OPHN1: variants seen among roughly 807,000 people sequenced by gnomAD.
The protein encoded by OPHN1 is oligophrenin 1.
In OPHN1, 11 loss-of-function variants were observed where a neutral mutation model predicts 60.7. The ratio of observed to expected loss-of-function variants is 0.18; its 90% confidence interval spans 0.11 to 0.30. OPHN1 has a LOEUF of 0.30. Ranked by LOEUF, OPHN1 falls within the 10% of genes least tolerant of loss-of-function variation. The pLI, the probability that OPHN1 is intolerant of heterozygous loss-of-function variation, is 1.00. For synonymous variants in OPHN1, 226 were observed against 222.6 expected, an observed-to-expected ratio of 1.02 and a Z score of -0.14; for missense variants, 449 against 611.0, an observed-to-expected ratio of 0.73 and a Z score of 2.80.
chrX:68,181,240 A>G (rs984621238), intron 15 of OPHN1, among the ~76,000 whole-genome samples: 1 of 110,930 alleles, frequency 9.0e-6, no homozygotes, highest in Non-Finnish European at 1.9e-5. Context: ...ACAAGATACA[A>G]ATTCCCTGTT....
At chrX:68,194,837 G>T (rs1004740419) in intron 12 of OPHN1, among the ~76,000 whole-genome samples, 5 of 109,243 alleles carry the variant, frequency 4.6e-5, no homozygotes. Context: ...GCATGGTGGC[G>T]TGCACCTGTA....
At chrX:68,070,683 G>C in intron 20 of OPHN1, 6 of 1,000,956 alleles carry the variant, frequency 6.0e-6, no homozygotes, top group Non-Finnish European at 8.5e-6. Flanking sequence ...GCAGCCCCTA[G>C]AAGTGGCTTT....
At chrX:68,220,435 G>A (rs2077648447) in intron 6 of OPHN1, among the ~76,000 whole-genome samples, 2 of 110,762 alleles carry the variant, frequency 1.8e-5, no homozygotes, top group Non-Finnish European at 3.8e-5. Flanking sequence ...ATTTCATGAG[G>A]CCAGCATCAT....
chrX:68,087,647 T>G (rs2077000524), intron 19 of OPHN1, among the ~76,000 whole-genome samples: 1 of 112,111 alleles, frequency 8.9e-6, no homozygotes, highest in African/African-American at 3.2e-5. Flanking sequence ...TTTCCAGATG[T>G]CGCTTCAGGG....
chrX:68,346,147 C>A (rs2147697649), intron 2 of OPHN1, among the ~76,000 whole-genome samples: 1 of 111,562 alleles, frequency 9.0e-6, no homozygotes, highest in Admixed American at 9.6e-5. Context: ...AATAAATAAA[C>A]AAATGTCATT....
chrX:68,181,784 C>T (rs777975286), intron 15 of OPHN1, among the ~76,000 whole-genome samples: 6 of 111,628 alleles, frequency 5.4e-5, no homozygotes, highest in African/African-American at 6.5e-5. Context: ...GCTAAGATTG[C>T]GCCACTGCAC....
intron 15 of OPHN1, among the ~76,000 whole-genome samples, chrX:68,141,322 C>T: frequency 9.0e-6 from 1 of 110,814 alleles, no homozygotes. Flanking sequence ...TCTAAGTTGC[C>T]TTTAATTATA....
chrX:68,096,824 G>A, intron 19 of OPHN1, 46 bp downstream of exon 19: 1 of 1,173,084 alleles, frequency 8.5e-7, no homozygotes, highest in Non-Finnish European at 1.2e-6. Flanking sequence ...TTGGGGGAAA[G>A]TGTCACATGT....
chrX:68,096,802 A>G, intron 19 of OPHN1, 68 bp downstream of exon 19: 1 of 1,072,641 alleles, frequency 9.3e-7, no homozygotes, highest in Non-Finnish European at 1.3e-6. Context: ...AAGACACAGC[A>G]CTAAAAGGCA....
chrX:68,258,434 C>A (rs961969949), intron 5 of OPHN1, among the ~76,000 whole-genome samples: 1 of 79,753 alleles, frequency 1.3e-5, no homozygotes, highest in Non-Finnish European at 2.3e-5. Flanking sequence ...CCACAACAGG[C>A]CCCTGTGTGT....
At chrX:68,112,061 G>GCGCACACACACACA (rs59924749) in intron 17 of OPHN1, 102 bp from the exon 18 acceptor site, 1 of 393,817 alleles carries the variant, frequency 2.5e-6, no homozygotes, top group African/African-American at 3.0e-5. Flanking sequence ...ATGCACACAT[G>GCGCACACACACACA]CACACACACA....
In OPHN1 at chrX:68,042,376, G is replaced by A. The variant is rs1488091881; in HGVS notation, c.*4796C>T. 1 of 110,905 alleles carries A rather than the reference G, an allele frequency of 9.0e-6. No individual in the cohort carries two copies. Among genetic ancestry groups the A allele is most frequent in the Non-Finnish European group, 1.9e-5 (1 of 52,836 alleles). The allele number at this position is 110,905 out of a possible 1,213,427, so 9.1% of individuals were successfully genotyped here. ...AGACAGTCTACATACTTTATTGAAA[G>A]TCACATGAATGAGCCCCAGGATCTC... On this transcript the variant is annotated 3_prime_UTR_variant, in exon 25 of 25. Transcript: ENST00000355520.
At chrX:68,214,929 G>A (rs1314743346) in intron 6 of OPHN1, among the ~76,000 whole-genome samples, 1 of 111,774 alleles carries the variant, frequency 8.9e-6, no homozygotes, top group Non-Finnish European at 1.9e-5. Context: ...CCTGGGAGGT[G>A]AAGACTGCAG....
At chrX:68,065,409 G>A (rs1476624441) in intron 20 of OPHN1, among the ~76,000 whole-genome samples, 3 of 111,876 alleles carry the variant, frequency 2.7e-5, no homozygotes, top group African/African-American at 9.7e-5. Context: ...CAAATGAAAT[G>A]ACATGATGAG....
intron 5 of OPHN1, among the ~76,000 whole-genome samples, chrX:68,267,768 A>G (rs112421000): frequency 0.21 from 23,499 of 110,814 alleles, 2,376 homozygotes; most frequent in African/African-American, 0.39. Flanking sequence ...AAAGATCAAC[A>G]AAACTGATAG....
At chrX:68,255,763 A>C (rs1042374579) in intron 5 of OPHN1, among the ~76,000 whole-genome samples, 6 of 109,168 alleles carry the variant, frequency 5.5e-5, no homozygotes, top group Middle Eastern at 4.7e-3. Flanking sequence ...ACACACACAC[A>C]CCCCTTGTTC....
At chrX:68,267,812 G>A (rs2077940396) in intron 5 of OPHN1, among the ~76,000 whole-genome samples, 1 of 111,561 alleles carries the variant, frequency 9.0e-6, no homozygotes, top group Non-Finnish European at 1.9e-5. Context: ...ATAAAAGAGA[G>A]AAGTATCAAA....
At position 68,098,236 on chromosome X, in the gene OPHN1, C is replaced by A. The variant is rs767330425; in HGVS notation, c.1527-1207G>T. The stretch of plus-strand genomic sequence containing the variant: ...AACCACTGGCAAGCAGAGTAAGTTG[C>A]AATTTTCCGTTTACTTATCTGCCTC... On this transcript the variant is annotated intron_variant, in intron 18 of 24. Transcript: ENST00000355520. Among the ~76,000 whole-genome samples, 5 of 111,640 alleles carry A rather than the reference C, an allele frequency of 4.5e-5. 1 individual carries two copies. Among genetic ancestry groups the A allele is most frequent in the African/African-American group, 1.6e-4 (5 of 30,766 alleles).
At chrX:68,049,361 G>C (rs1451340444) in intron 23 of OPHN1, among the ~76,000 whole-genome samples, 1 of 111,443 alleles carries the variant, frequency 9.0e-6, no homozygotes, top group Non-Finnish European at 1.9e-5. Flanking sequence ...CATAAAACCT[G>C]CTTCTCCATG....
Sources: allele counts gnomAD v4.1 joint callset (sites outside exome capture counted in the v4.1 genomes callset), GRCh38; gene constraint gnomAD v4.1.1; transcripts MANE v1.5; gene names NCBI Gene and HGNC (gene_info 2026-07-23, HGNC 2026-07-21).